GSN: variants seen among roughly 807,000 people sequenced by gnomAD.
GSN encodes actin-depolymerizing factor.
Under a neutral mutation model 85.7 loss-of-function variants are expected in GSN, and 56 were observed. The observed-to-expected ratio is 0.65, with a 90% CI of 0.53 to 0.82. The LOEUF is 0.82. Among genes scored for constraint, GSN ranks in the 40% least tolerant of loss-of-function variants. GSN has a pLI of 0.00. For missense variants in GSN, 857 were observed against 979.8 expected (o/e 0.87, Z 1.67); for synonymous variants, 373 against 399.1 (o/e 0.93, Z 0.78).
chr9:121,328,362 C>T (rs1413179087), intron 14 of GSN, among the ~76,000 whole-genome samples: 3 of 152,334 alleles, frequency 2.0e-5, no homozygotes, highest in Middle Eastern at 3.4e-3. Context: ...CCATTAGTCA[C>T]ATGTGGCTGT....
At chr9:121,269,480 C>T (rs1478827131) in intron 1 of GSN, among the ~76,000 whole-genome samples, 1 of 152,112 alleles carries the variant, frequency 6.6e-6, no homozygotes, top group African/African-American at 2.4e-5. Context: ...TTGGGTGTTC[C>T]GTTTACTAAA....
chr9:121,228,539 T>G (rs1331883153), intron 4 of GSN, among the ~76,000 whole-genome samples: 1 of 147,714 alleles, frequency 6.8e-6, no homozygotes, highest in Non-Finnish European at 1.5e-5. Flanking sequence ...GCTCAAGAGA[T>G]CCTCCCACCT....
chr9:121,312,009 G>A (rs1006254725), intron 5 of GSN: 13 of 305,176 alleles, frequency 4.3e-5, no homozygotes, highest in Non-Finnish European at 7.5e-5. Context: ...AGGTATATTC[G>A]GCTTTAGTGG....
chr9:121,249,853 T>G (rs2054779914), intron 6 of GSN, among the ~76,000 whole-genome samples: 1 of 152,198 alleles, frequency 6.6e-6, no homozygotes, highest in South Asian at 2.1e-4. Context: ...GGCTGCTGCT[T>G]TCTTGAAAGA....
chr9:121,324,747 G>A, intron 12 of GSN, 103 bp downstream of exon 12: 2 of 700,544 alleles, frequency 2.9e-6, no homozygotes, highest in South Asian at 1.5e-5. Flanking sequence ...CCATCTGTCT[G>A]TCTGTCCATC....
intron 4 of GSN, among the ~76,000 whole-genome samples, chr9:121,213,678 A>C (rs2054006875): frequency 6.6e-6 from 1 of 152,184 alleles, no homozygotes; most frequent in African/African-American, 2.4e-5. Flanking sequence ...AGGCTGGGGA[A>C]TCACAAAATC....
intron 4 of GSN, 54 bp from the exon 5 acceptor site, chr9:121,310,630 T>C: frequency 6.3e-7 from 1 of 1,575,444 alleles, no homozygotes; most frequent in Non-Finnish European, 8.7e-7. Flanking sequence ...TTCTTCCATA[T>C]CTGCTTCCCT....
chr9:121,258,114 G>A (rs550546567), intron 6 of GSN, among the ~76,000 whole-genome samples: 1 of 152,342 alleles, frequency 6.6e-6, no homozygotes, highest in African/African-American at 2.4e-5. Flanking sequence ...TCGGTTTACA[G>A]TGTCAGACTG....
At chr9:121,216,144 T>C (rs895555739) in intron 4 of GSN, among the ~76,000 whole-genome samples, 3 of 152,150 alleles carry the variant, frequency 2.0e-5, no homozygotes, top group African/African-American at 7.2e-5. Context: ...GACGGGTTTT[T>C]GCCATGTTGG....
chr9:121,329,213 C>G lies in GSN; in HGVS notation c.1888-25C>G. 6.4e-7 allele frequency: 1 copy of G among 1,571,166 alleles called. No individual in the cohort carries two copies. Among genetic ancestry groups the G allele is most frequent in the Non-Finnish European group, 8.8e-7 (1 of 1,140,968 alleles). On this transcript the variant is annotated intron_variant, in intron 15 of 17. Transcript: ENST00000432226. This position sits in a 1 kb window ranked among gnomAD's most constrained non-coding sequence, Gnocchi z 4.6. ...CACCCAGGGGAGGGAAGACATCTCACTGATGCTCTTTCGTTCCTTCCCAGA... is the reference window on the plus strand; with the variant it reads ...CACCCAGGGGAGGGAAGACATCTCAGTGATGCTCTTTCGTTCCTTCCCAGA...
intron 11 of GSN, among the ~76,000 whole-genome samples, chr9:121,322,307 A>C (rs2133781056): frequency 6.6e-6 from 1 of 152,288 alleles, no homozygotes; most frequent in East Asian, 1.9e-4. Context: ...ATTGCCCTGC[A>C]CCTTGCTTTT....
At chr9:121,236,925 A>G (rs1278311731) in intron 5 of GSN, among the ~76,000 whole-genome samples, 2 of 152,268 alleles carry the variant, frequency 1.3e-5, no homozygotes, top group Admixed American at 6.5e-5. Context: ...TGCCTTCAGC[A>G]TCTGGTAAAC....
intron 4 of GSN, among the ~76,000 whole-genome samples, chr9:121,224,628 G>A (rs1588429122): frequency 6.6e-6 from 1 of 151,324 alleles, no homozygotes; most frequent in South Asian, 2.1e-4. Flanking sequence ...GGACTTTCCT[G>A]CCACCAATGT....
chr9:121,317,897 C>T (rs1479080563), intron 8 of GSN: 1 of 204,666 alleles, frequency 4.9e-6, no homozygotes, highest in Non-Finnish European at 1.0e-5. Flanking sequence ...ACTCTCTAGG[C>T]CCCCTGGGCC....
At chr9:121,222,327 G>A (rs1179948299) in intron 4 of GSN, 1 of 152,012 alleles carries the variant, frequency 6.6e-6, no homozygotes, top group Non-Finnish European at 1.5e-5. Flanking sequence ...TTTTTAAAAG[G>A]TAAAATCATG....
At chr9:121,266,718 TAC>T (rs1446452018), upstream of GSN, among the ~76,000 whole-genome samples, 1 of 152,092 alleles carries the variant, frequency 6.6e-6, no homozygotes, top group Non-Finnish European at 1.5e-5. Flanking sequence ...ATCTGAAAAA[TAC>T]ACATGGTAAT....
chr9:121,272,325 T>C (rs2056098694), intron 1 of GSN, among the ~76,000 whole-genome samples: 1 of 152,234 alleles, frequency 6.6e-6, no homozygotes, highest in Non-Finnish European at 1.5e-5. Flanking sequence ...GCTGAAGGCC[T>C]GGGCTTGGGT....
intron 6 of GSN, among the ~76,000 whole-genome samples, chr9:121,256,557 G>C (rs916729164): frequency 6.6e-6 from 1 of 152,050 alleles, no homozygotes; most frequent in Non-Finnish European, 1.5e-5. Flanking sequence ...GTTGGCTGAA[G>C]GCTACAAAAA....
chr9:121,327,515 C>G (rs781281349), intron 14 of GSN, 33 bp downstream of exon 14: 1 of 1,516,772 alleles, frequency 6.6e-7, no homozygotes, highest in Non-Finnish European at 8.9e-7. Context: ...TGCTGCTGTC[C>G]GGATGCAGCT....
Sources: gnomAD v4.1 joint callset for allele counts (sites outside exome capture counted in the v4.1 genomes callset) on GRCh38, gnomAD v4.1.1 for gene constraint, Gnocchi (gnomAD v3.1) non-coding constraint, MANE v1.5 for transcripts, NCBI Gene and HGNC (gene_info 2026-07-23, HGNC 2026-07-21) for gene names.